The following UNC5D variants were observed in gnomAD, a reference collection of about 807,000 sequenced individuals.
UNC5D encodes netrin receptor UNC5D.
Under a neutral mutation model 105.4 loss-of-function variants are expected in UNC5D, and 39 were observed. The ratio of observed to expected loss-of-function variants is 0.37; its 90% CI spans 0.29 to 0.48. UNC5D has a LOEUF of 0.48. Among genes scored for constraint, UNC5D ranks in the 20% least tolerant of loss-of-function variants. UNC5D has a pLI of 0.98. For synonymous variants in UNC5D, 452 were observed against 450.4 expected (o/e 1.00, Z -0.04); for missense variants, 991 against 1,202.4 (o/e 0.82, Z 2.60).
chr8:35,468,480 GA>G (rs1241206231), intron 1 of UNC5D, among the ~76,000 whole-genome samples: 1 of 152,160 alleles, frequency 6.6e-6, no homozygotes, highest in Non-Finnish European at 1.5e-5. Flanking sequence ...TGTATGAGTT[GA>G]AATGAGTTGT....
chr8:35,604,452 C>T (rs565020685), intron 4 of UNC5D, among the ~76,000 whole-genome samples: 98 of 152,246 alleles, frequency 6.4e-4, no homozygotes, highest in African/African-American at 2.3e-3. Flanking sequence ...GGTAACCCGA[C>T]CTTTCTCTCT....
chr8:35,474,908 A>T (rs1053635520), intron 1 of UNC5D, among the ~76,000 whole-genome samples: 1 of 152,184 alleles, frequency 6.6e-6, no homozygotes, highest in East Asian at 1.9e-4. Flanking sequence ...ACATCCCCTT[A>T]GGTGGGGCAT....
At chr8:35,498,783 G>A (rs1811783879) in intron 1 of UNC5D, among the ~76,000 whole-genome samples, 3 of 151,946 alleles carry the variant, frequency 2.0e-5, no homozygotes, top group Admixed American at 2.0e-4. Flanking sequence ...ACTCATAATC[G>A]CTAAAGGAAA....
intron 1 of UNC5D, among the ~76,000 whole-genome samples, chr8:35,290,919 G>T (rs1170421364): frequency 6.7e-6 from 1 of 148,594 alleles, no homozygotes; most frequent in African/African-American, 2.5e-5. Context: ...TTGCACTCCA[G>T]CCTGGGCGAC....
intron 8 of UNC5D, among the ~76,000 whole-genome samples, chr8:35,714,870 G>C (rs574734964): frequency 6.6e-6 from 1 of 152,178 alleles, no homozygotes; most frequent in Non-Finnish European, 1.5e-5. Context: ...GAATGAAGCC[G>C]GCCAGGCGCA....
In UNC5D at chr8:35,734,075, G is replaced by A. The variant is rs1285532708; in HGVS notation, c.1766+2979G>A. Among the ~76,000 whole-genome samples the A allele has an allele frequency of 2.6e-5, 4 of 151,928 alleles. No homozygotes were observed. The East Asian group carries it at 7.8e-4, about 29-fold the overall frequency. On this transcript the variant is annotated intron_variant, in intron 11 of 16. Transcript: ENST00000404895. ...AACTGTAGCCCAGGCCTTGCCACAG[G>A]CAAAGAGTTGGTTTAATGCATTATC...
chr8:35,660,422 G>A (rs1245010888), intron 4 of UNC5D, among the ~76,000 whole-genome samples: 2 of 151,796 alleles, frequency 1.3e-5, no homozygotes, highest in Non-Finnish European at 2.9e-5. Context: ...TGACTTCATG[G>A]TATTTAATGT....
intron 1 of UNC5D, among the ~76,000 whole-genome samples, chr8:35,473,049 T>C (rs765011623): frequency 3.3e-5 from 5 of 152,168 alleles, no homozygotes; most frequent in Non-Finnish European, 5.9e-5. Context: ...AAGTTGCCAA[T>C]TGTAGAGTGT....
At chr8:35,441,869 A>T (rs1433736691) in intron 1 of UNC5D, among the ~76,000 whole-genome samples, 1 of 151,724 alleles carries the variant, frequency 6.6e-6, no homozygotes, top group East Asian at 1.9e-4. Context: ...CGGGACAACC[A>T]ACAAGAAGCA....
intron 1 of UNC5D, among the ~76,000 whole-genome samples, chr8:35,545,517 G>C (rs930639032): frequency 6.6e-6 from 1 of 152,098 alleles, no homozygotes; most frequent in Non-Finnish European, 1.5e-5. Flanking sequence ...TTGCTGGAGG[G>C]CAGCCACCTA....
At chr8:35,482,259 T>C (rs1253969489) in intron 1 of UNC5D, among the ~76,000 whole-genome samples, 1 of 152,218 alleles carries the variant, frequency 6.6e-6, no homozygotes, top group Admixed American at 6.5e-5. Context: ...TCCTCCTGAC[T>C]GTAATGCTCA....
chr8:35,629,871 A>G (rs948682636), intron 4 of UNC5D, among the ~76,000 whole-genome samples: 2 of 152,190 alleles, frequency 1.3e-5, no homozygotes, highest in African/African-American at 2.4e-5. Flanking sequence ...TGAGATCACT[A>G]TAAATGAGTT....
chr8:35,785,409 G>C (rs1397001449), intron 16 of UNC5D, among the ~76,000 whole-genome samples: 1 of 152,160 alleles, frequency 6.6e-6, no homozygotes, highest in Non-Finnish European at 1.5e-5. Context: ...GCCCAGGTTG[G>C]AGTGCAGTGG....
chr8:35,694,006 G>T (rs1437819748), intron 7 of UNC5D, among the ~76,000 whole-genome samples: 1 of 152,118 alleles, frequency 6.6e-6, no homozygotes, highest in South Asian at 2.1e-4. Context: ...GGAAAAAAAC[G>T]AAAGCAAAAC....
chr8:35,264,972 G>A (rs1804757150), intron 1 of UNC5D, among the ~76,000 whole-genome samples: 1 of 152,126 alleles, frequency 6.6e-6, no homozygotes, highest in Admixed American at 6.5e-5. Context: ...CTGCAAACAA[G>A]TAGTACATTG....
chr8:35,346,843 C>A (rs1361554076), intron 1 of UNC5D, among the ~76,000 whole-genome samples: 1 of 151,846 alleles, frequency 6.6e-6, no homozygotes, highest in Non-Finnish European at 1.5e-5. Context: ...TTAATATATA[C>A]ATCTTTTTTT....
intron 4 of UNC5D, among the ~76,000 whole-genome samples, chr8:35,600,395 T>C (rs1382353088): frequency 2.0e-5 from 3 of 152,222 alleles, no homozygotes; most frequent in East Asian, 1.9e-4. Context: ...TCCACAGTGG[T>C]TGAATTAGTT....
chr8:35,256,983 G>GT lies in UNC5D; in HGVS notation c.103+21105dup, dbSNP rs549269689. ...TGTTTTTTTTTTTTTTTTGTTTTTT[G>GT]TTTTTTTTTGACTGAGTCTCACTCT... is the stretch of plus-strand genomic sequence containing the variant. On this transcript the variant is annotated intron_variant, in intron 1 of 16. Transcript: ENST00000404895. 9.1e-3 allele frequency among the ~76,000 whole-genome samples: 1,172 copies of GT among 128,562 alleles called. 16 individuals carry two copies. Among genetic ancestry groups the GT allele is most frequent in the African/African-American group, 0.033 (1,112 of 33,420 alleles). The allele number at this position is 128,562 out of a possible 152,430, so 84.3% of individuals were successfully genotyped here. A position where few individuals can be genotyped will look rare whatever the true frequency, so the allele number is the denominator to read the frequency against.
At position 35,599,430 on chromosome 8, in the gene UNC5D, G is replaced by T. The variant is rs1374591177; in HGVS notation, c.570+3773G>T. Among the ~76,000 whole-genome samples the T allele has an allele frequency of 2.0e-5, 3 of 152,054 alleles. No individual in the cohort carries two copies. The East Asian group carries it at 5.8e-4, about 29-fold the overall frequency. On this transcript the variant is annotated intron_variant, in intron 4 of 16. Coordinates refer to ENST00000404895, the MANE Select transcript of UNC5D (RefSeq NM_080872.4). ...TACATACATTATTTAGCCTTATTTA[G>T]CCATTCGACAGTACACACATATTTC...
Sources: gnomAD v4.1 joint callset for allele counts (sites outside exome capture counted in the v4.1 genomes callset) on GRCh38, gnomAD v4.1.1 for gene constraint, MANE v1.5 for transcripts, NCBI Gene and HGNC (gene_info 2026-07-23, HGNC 2026-07-21) for gene names.